The following NCOA1 variants were observed in gnomAD, a reference collection of about 807,000 sequenced individuals.
NCOA1 encodes the protein nuclear receptor coactivator 1, also known as Hin-2 protein.
NCOA1 carries 35 observed loss-of-function variants against 150.9 expected under a neutral mutation model. The observed-to-expected ratio is 0.23, with a 90% CI of 0.18 to 0.31. The LOEUF (loss-of-function observed/expected upper bound fraction) is 0.31. Among genes scored for constraint, NCOA1 ranks in the 10% least tolerant of loss-of-function variants. NCOA1 has a pLI of 1.00. For synonymous variants in NCOA1, 590 were observed against 630.0 expected (o/e 0.94, Z 0.95); for missense variants, 1,491 against 1,749.3 (o/e 0.85, Z 2.63).
At chr2:24,737,247 A>AG (rs775380959) in intron 17 of NCOA1, among the ~76,000 whole-genome samples, 1 of 152,174 alleles carries the variant, frequency 6.6e-6, no homozygotes, top group Non-Finnish European at 1.5e-5. Flanking sequence ...TAATAATTGG[A>AG]GAGAAGAGGC....
chr2:24,578,717 A>G (rs931093997), intron 2 of NCOA1, among the ~76,000 whole-genome samples: 1 of 152,192 alleles, frequency 6.6e-6, no homozygotes, highest in Non-Finnish European at 1.5e-5. Context: ...GTATGGTAGT[A>G]TATATCTTAA....
intron 5 of NCOA1, among the ~76,000 whole-genome samples, chr2:24,663,964 C>T (rs1452621089): frequency 3.3e-5 from 5 of 152,184 alleles, no homozygotes; most frequent in Admixed American, 6.5e-5. Flanking sequence ...CCAGTTTACT[C>T]GTGTTGCAGT....
At chr2:24,593,584 C>T (rs935518121) in intron 3 of NCOA1, among the ~76,000 whole-genome samples, 16 of 152,040 alleles carry the variant, frequency 1.1e-4, no homozygotes, top group African/African-American at 2.7e-4. Flanking sequence ...TTCTGTTATT[C>T]GTATACTTAC....
At chr2:24,672,134 T>C (rs113280758) in intron 6 of NCOA1, among the ~76,000 whole-genome samples, 1 of 56,346 alleles carries the variant, frequency 1.8e-5, no homozygotes, top group African/African-American at 3.7e-5. Flanking sequence ...TTTATATATA[T>C]AACAATATAT....
rs557413280 is a variant in NCOA1 at position 24,727,734 on chromosome 2, A to G, written c.2718-574A>G. Among the ~76,000 whole-genome samples, 70 of 152,310 alleles carry G rather than the reference A, an allele frequency of 4.6e-4. No individual in the cohort carries two copies. In the South Asian group the frequency reaches 7.9e-3, roughly 17 times the overall value. On this transcript the variant is annotated intron_variant, in intron 15 of 22. Coordinates refer to ENST00000348332, the MANE Select transcript of NCOA1 (RefSeq NM_003743.5). Reference sequence around the variant, plus strand: ...ATTTGGATTAGACTGTATATTTCCTACATGTAATCAGTGAATAATTTGTTG... The same window carrying G: ...ATTTGGATTAGACTGTATATTTCCTGCATGTAATCAGTGAATAATTTGTTG...
intron 14 of NCOA1, among the ~76,000 whole-genome samples, chr2:24,712,288 G>A (rs973734126): frequency 6.6e-6 from 1 of 152,210 alleles, no homozygotes. Context: ...CACAATTGAG[G>A]AAACAGTAAG....
chr2:24,540,551 C>T (rs530165176), intron 1 of NCOA1, among the ~76,000 whole-genome samples: 1 of 151,970 alleles, frequency 6.6e-6, no homozygotes, highest in Admixed American at 6.6e-5. Flanking sequence ...CTCTGCCTCC[C>T]AGGTTCAAGT....
intron 3 of NCOA1, among the ~76,000 whole-genome samples, chr2:24,625,513 T>C (rs1162691342): frequency 6.6e-6 from 1 of 152,210 alleles, no homozygotes; most frequent in East Asian, 1.9e-4. Flanking sequence ...TTCACTGATT[T>C]CTGCATTTAG....
rs181022913 is a variant in NCOA1, at chr2:24,718,688, A to T, written c.2599+7577A>T. 2.0e-5 allele frequency among the ~76,000 whole-genome samples: 3 copies of T among 149,856 alleles called. No individual in the cohort carries two copies. The East Asian group carries it at 5.9e-4, about 30-fold the overall frequency. ...CTCTACTAAAAAAAAATACAAAACT[A>T]GGCTAACATGGTGAAACCCCATCTC... On this transcript the variant is annotated intron_variant, in intron 14 of 22. Coordinates refer to ENST00000348332, the MANE Select transcript of NCOA1 (RefSeq NM_003743.5).
chr2:24,707,136 G>T lies in NCOA1; in HGVS notation c.1666G>T (p.Ala556Ser). 6.2e-7 allele frequency: 1 copy of T among 1,614,164 alleles called. No individual in the cohort carries two copies. Among genetic ancestry groups the T allele is most frequent in the East Asian group, 2.2e-5 (1 of 44,888 alleles). Residue 556 changes from alanine (A) to serine (S), a missense_variant, in exon 13 of 23, where the codon GCC becomes TCC. Around this residue, in one of 8 missense-constraint regions of NCOA1, gnomAD observed 703 missense variants for 717.7 expected, o/e 0.98. Transcript: ENST00000348332. ...ACCCAATAACTCCGTTGGCTTCTCT[G>T]CCAGTTCTCCAGTCCTCAGGCAGAT... ...EGPNNSVGFSASSPVLRQMSS... is the reference protein window; with the variant it reads ...EGPNNSVGFSSSSPVLRQMSS...
chr2:24,613,174 G>A lies in NCOA1; in HGVS notation c.-175+28614G>A, dbSNP rs969919698. ...AGCATCTTTTGGCTTTGCTTCTATA[G>A]CCTATGTACTTCTTTGGGCAGATTT... is the stretch of plus-strand genomic sequence containing the variant. On this transcript the variant is annotated intron_variant, in intron 3 of 22. Transcript: ENST00000348332. Among the ~76,000 whole-genome samples the A allele has an allele frequency of 3.3e-5, 5 of 151,996 alleles. No individual in the cohort carries two copies. The East Asian group carries it at 9.7e-4, about 29-fold the overall frequency.
intron 3 of NCOA1, among the ~76,000 whole-genome samples, chr2:24,629,817 C>CATATACATATATATATATATATATAT (rs1553439184): frequency 7.6e-5 from 6 of 79,340 alleles, no homozygotes; most frequent in Admixed American, 1.8e-4. Context: ...AACATACATA[C>CATATACATATATATATATATATATAT]ATATATATAT....
At chr2:24,716,386 C>T (rs1674044763) in intron 14 of NCOA1, among the ~76,000 whole-genome samples, 1 of 151,686 alleles carries the variant, frequency 6.6e-6, no homozygotes, top group Non-Finnish European at 1.5e-5. Context: ...ATGGAGAGTC[C>T]AGAAACAGAC....
chr2:24,700,683 A>G (rs1673116237), intron 11 of NCOA1, among the ~76,000 whole-genome samples: 1 of 152,202 alleles, frequency 6.6e-6, no homozygotes, highest in South Asian at 2.1e-4. Flanking sequence ...TATAGTTTGG[A>G]AAAAGTTCCC....
At chr2:24,711,282 A>G in intron 14 of NCOA1, 171 bp downstream of exon 14, 4 of 599,474 alleles carry the variant, frequency 6.7e-6, no homozygotes, top group South Asian at 3.1e-5. Flanking sequence ...ATCATTCATC[A>G]TGTGTATTTT....
chr2:24,688,443 T>C (rs1422114937), intron 8 of NCOA1, among the ~76,000 whole-genome samples: 2 of 152,192 alleles, frequency 1.3e-5, no homozygotes, highest in Non-Finnish European at 2.9e-5. Context: ...ATGATAGCTA[T>C]TCTGACTGGT....
intron 8 of NCOA1, among the ~76,000 whole-genome samples, chr2:24,684,268 A>G (rs982760331): frequency 6.6e-6 from 1 of 152,222 alleles, no homozygotes; most frequent in Non-Finnish European, 1.5e-5. Flanking sequence ...CAAAAAAACT[A>G]ATTTAATTTT....
At chr2:24,608,704 G>GTTTTTTTTTTTTTTTTTTTTT (rs56710627) in intron 3 of NCOA1, among the ~76,000 whole-genome samples, 4 of 117,334 alleles carry the variant, frequency 3.4e-5, no homozygotes, top group Non-Finnish European at 5.2e-5. Context: ...TTGTTGTTGT[G>GTTTTTTTTTTTTTTTTTTTTT]TTTTTTTTTT....
intron 19 of NCOA1, among the ~76,000 whole-genome samples, chr2:24,746,092 A>G (rs929485449): frequency 6.6e-6 from 1 of 152,190 alleles, no homozygotes; most frequent in African/African-American, 2.4e-5. Context: ...CTTTTTAACC[A>G]TTGTTTCTCC....
Sources: allele counts gnomAD v4.1 joint callset (sites outside exome capture counted in the v4.1 genomes callset), GRCh38; gene constraint gnomAD v4.1.1; regional missense constraint gnomAD v4.1.1; transcripts MANE v1.5; gene names NCBI Gene and HGNC (gene_info 2026-07-23, HGNC 2026-07-21).